Variants in PI4KA observed in about 807,000 individuals in gnomAD.
PI4KA encodes phosphatidylinositol 4-kinase alpha, also known as PI4-kinase alpha.
PI4KA carries 122 observed loss-of-function variants against 271.4 expected under a neutral mutation model. The observed-to-expected ratio is 0.45, with a 90% confidence interval of 0.39 to 0.52. The LOEUF (loss-of-function observed/expected upper bound fraction) is 0.52, where lower values mean the gene tolerates loss of function less well. Ranked by LOEUF, PI4KA falls within the 20% of genes least tolerant of loss-of-function variation. The probability of loss-of-function intolerance (pLI) is 0.00; values close to 1 mark genes in which losing one functional copy is unlikely to be tolerated. For missense variants in PI4KA, 1,969 were observed against 2,769.1 expected (o/e 0.71, Z 6.48); for synonymous variants, 1,041 against 1,078.8 (o/e 0.96, Z 0.69).
chr22:20,721,522 A>G (rs1926736816), intron 42 of PI4KA, 104 bp from the exon 43 acceptor site: 2 of 1,250,214 alleles, frequency 1.6e-6, no homozygotes, highest in South Asian at 2.5e-5. Context: ...AGGCAAGGGT[A>G]AGGCCCGGTG....
chr22:20,747,139 T>C (rs544037513), intron 29 of PI4KA, among the ~76,000 whole-genome samples: 1 of 152,318 alleles, frequency 6.6e-6, no homozygotes, highest in African/African-American at 2.4e-5. Context: ...GTCCTCTAGA[T>C]TAATCTCTAG....
intron 3 of PI4KA, among the ~76,000 whole-genome samples, chr22:20,831,610 AAAAC>A (rs1312575211): frequency 2.5e-5 from 1 of 40,380 alleles, no homozygotes; most frequent in Non-Finnish European, 4.9e-5. Flanking sequence ...AACAAAAACA[AAAAC>A]AAAACAAAAC....
intron 23 of PI4KA, among the ~76,000 whole-genome samples, chr22:20,753,449 G>A (rs958323014): frequency 4.6e-5 from 7 of 152,096 alleles, no homozygotes; most frequent in African/African-American, 7.2e-5. Context: ...CACATGCCCC[G>A]CTTCTGTTCC....
chr22:20,725,790 G>A (rs1436013471), intron 42 of PI4KA: 7 of 294,488 alleles, frequency 2.4e-5, no homozygotes, highest in Non-Finnish European at 4.9e-5. Flanking sequence ...CAGTTACTTG[G>A]GAGGGGTAGC....
intron 4 of PI4KA, among the ~76,000 whole-genome samples, chr22:20,822,244 G>A (rs1346962139): frequency 1.3e-5 from 2 of 151,842 alleles, no homozygotes; most frequent in Admixed American, 1.3e-4. Flanking sequence ...GATAGGTTTT[G>A]CTATGCTGCC....
chr22:20,718,406 C>T (rs188668627), intron 44 of PI4KA, among the ~76,000 whole-genome samples: 32 of 152,312 alleles, frequency 2.1e-4, no homozygotes, highest in African/African-American at 6.7e-4. Context: ...ATTGTGGAGC[C>T]ATGTGCTAAA....
chr22:20,833,785 G>A (rs988937538), intron 3 of PI4KA, among the ~76,000 whole-genome samples: 4 of 148,916 alleles, frequency 2.7e-5, no homozygotes, highest in Non-Finnish European at 1.5e-5. Context: ...TCAGCCTCCC[G>A]AGTAGCTGGG....
At chr22:20,765,447 T>G in intron 20 of PI4KA, 138 bp downstream of exon 20, 1 of 749,636 alleles carries the variant, frequency 1.3e-6, no homozygotes, top group Middle Eastern at 3.9e-4. Flanking sequence ...ACAGTAACAC[T>G]TGCTAATACT....
chr22:20,793,283 T>C (rs1437985153), intron 18 of PI4KA, 40 bp from the exon 19 acceptor site: 1 of 1,196,736 alleles, frequency 8.4e-7, no homozygotes, highest in Non-Finnish European at 1.2e-6. Flanking sequence ...CGAGTATGTG[T>C]TTCTTTTATT....
At position 20,746,308 on chromosome 22, in the gene PI4KA, C is replaced by T. The variant is rs576007145; in HGVS notation, c.3363+1275G>A. Among the ~76,000 whole-genome samples the T allele has an allele frequency of 1.7e-3, 261 of 152,032 alleles. 2 individuals are homozygous for T. Among genetic ancestry groups the T allele is most frequent in the African/African-American group, 6.0e-3 (249 of 41,466 alleles). On this transcript the variant is annotated intron_variant, in intron 29 of 54. Coordinates refer to ENST00000255882, the MANE Select transcript of PI4KA (RefSeq NM_058004.4). ...CGATCCACTGACCTCGTGATCCGCC[C>T]GCCTTGGCCTCCCAAAGTGCTGGGA...
Position 20,742,712 on chromosome 22 carries a change from T to A in PI4KA, c.3509A>T (p.Asn1170Ile). ...ATGTAGATCCTGGACCATCATTTTGTTCAGGTCAGACATCTGGCCTGTGGT... is the reference window on the plus strand; with the variant it reads ...ATGTAGATCCTGGACCATCATTTTGATCAGGTCAGACATCTGGCCTGTGGT... ...SGTTGQMSDL[N>I]KMMVQDLHSA... is the part of the protein sequence containing the mutation. Residue 1170 changes from asparagine (N) to isoleucine (I), a missense_variant, in exon 31 of 55, where the codon AAC (asparagine) becomes ATC (isoleucine). Around this residue, in one of 13 missense-constraint regions of PI4KA, gnomAD observed 203 missense variants for 256.8 expected, o/e 0.79. Coordinates refer to ENST00000255882, the MANE Select transcript of PI4KA (RefSeq NM_058004.4). 1 of 1,614,106 alleles carries A rather than the reference T, an allele frequency of 6.2e-7. No individual in the cohort carries two copies. The highest frequency in any genetic ancestry group is 8.5e-7 in the Non-Finnish European group (1 of 1,179,956).
chr22:20,725,876 C>A, intron 42 of PI4KA: 1 of 164,628 alleles, frequency 6.1e-6, no homozygotes, highest in East Asian at 1.7e-4. Flanking sequence ...CACGCCACTG[C>A]ACTCTAGCCT....
intron 19 of PI4KA, among the ~76,000 whole-genome samples, chr22:20,766,071 C>A (rs117786120): frequency 0.01 from 1,593 of 152,218 alleles, 16 homozygotes; most frequent in Middle Eastern, 0.017. Context: ...GGCAGCCTGT[C>A]CAGCCACAAG....
chr22:20,802,159 CCTT>C, intron 13 of PI4KA, 54 bp from the exon 14 acceptor site: 1 of 1,536,794 alleles, frequency 6.5e-7, no homozygotes, highest in Non-Finnish European at 8.9e-7. Flanking sequence ...TTTTCCATCA[CCTT>C]CTTTGTAATT....
At position 20,742,362 on chromosome 22, in the gene PI4KA, C is replaced by CA; in HGVS notation, c.3614-8_3614-7insT. On this transcript the variant is annotated splice_polypyrimidine_tract_variant and splice_region_variant and intron_variant, in intron 31 of 54. Coordinates refer to ENST00000255882, the MANE Select transcript of PI4KA (RefSeq NM_058004.4). ...AGGAGCTGCGGGTCACAATCTGGAA[C>CA]CAAACACACGTCAGTCAGAGGCCTC... is the stretch of plus-strand genomic sequence containing the variant. The CA allele has an allele frequency of 6.2e-7, 1 of 1,613,392 alleles. No individual in the cohort carries two copies. The highest frequency in any genetic ancestry group is 8.5e-7 in the Non-Finnish European group (1 of 1,179,616).
intron 27 of PI4KA, among the ~76,000 whole-genome samples, chr22:20,750,517 G>A (rs1930560161): frequency 1.3e-5 from 2 of 152,244 alleles, no homozygotes; most frequent in South Asian, 4.1e-4. Context: ...CTGGGGCCAG[G>A]AAGCCCACAC....
At chr22:20,841,739 G>C (rs1169164789) in intron 1 of PI4KA, among the ~76,000 whole-genome samples, 1 of 152,128 alleles carries the variant, frequency 6.6e-6, no homozygotes, top group African/African-American at 2.4e-5. Context: ...GAAATGGAGG[G>C]ATATCCTGGA....
At position 20,708,058 on chromosome 22, in the gene PI4KA, T is replaced by C; in HGVS notation, c.6298A>G (p.Ile2100Val). 6.2e-7 allele frequency: 1 copy of C among 1,613,180 alleles called. No individual in the cohort carries two copies. Among genetic ancestry groups the C allele is most frequent in the Non-Finnish European group, 8.5e-7 (1 of 1,179,272 alleles). Reference sequence around the variant, plus strand: ...CGAAGGTCCCCTCCTCAGTAGGGGATGTCATTCTGATAGTACTGGATCATG... The same window carrying C: ...CGAAGGTCCCCTCCTCAGTAGGGGACGTCATTCTGATAGTACTGGATCATG... The part of the protein sequence containing the change: ...YDMIQYYQND[I>V]PY The change falls in exon 55 of 55, where the codon ATC becomes GTC. Residue 2100 changes from isoleucine (I) to valine (V), a missense_variant. By Grantham distance (29) the Ile-to-Val change is conservative. Coordinates refer to ENST00000255882, the MANE Select transcript of PI4KA (RefSeq NM_058004.4).
intron 22 of PI4KA, among the ~76,000 whole-genome samples, chr22:20,763,017 T>TGGGGGGG (rs1227387739): frequency 1.3e-4 from 7 of 52,196 alleles, no homozygotes; most frequent in African/African-American, 2.6e-4. Context: ...CTTTTTTTTT[T>TGGGGGGG]GGGGGGGGGG....
Sources: gnomAD v4.1 joint callset for allele counts (sites outside exome capture counted in the v4.1 genomes callset) on GRCh38, gnomAD v4.1.1 for gene constraint, gnomAD v4.1.1 regional missense constraint, MANE v1.5 for transcripts, NCBI Gene and HGNC (gene_info 2026-07-23, HGNC 2026-07-21) for gene names.